Variants in RPS6KC1 observed in about 807,000 individuals in gnomAD.
RPS6KC1 encodes ribosomal protein S6 kinase C1.
Under a neutral mutation model 103.8 loss-of-function variants are expected in RPS6KC1, and 54 were observed. The observed-to-expected ratio is 0.52, with a 90% CI of 0.42 to 0.65. The LOEUF is 0.65. Ranked by LOEUF, RPS6KC1 falls within the 30% of genes least tolerant of loss-of-function variation. RPS6KC1 has a pLI of 0.00. For missense variants in RPS6KC1, 1,151 were observed against 1,253.8 expected (o/e 0.92, Z 1.24); for synonymous variants, 439 against 438.7 (o/e 1.00, Z -0.01).
chr1:213,780,597 C>A, the RPS6KC1 span, among the ~76,000 whole-genome samples: 1 of 152,188 alleles, frequency 6.6e-6, no homozygotes, highest in African/African-American at 2.4e-5. Context: ...GTTTTTGAAT[C>A]CAGTCCTTTC....
At chr1:213,177,106 G>A (rs1486179255) in intron 8 of RPS6KC1, among the ~76,000 whole-genome samples, 1 of 152,050 alleles carries the variant, frequency 6.6e-6, no homozygotes, top group East Asian at 1.9e-4. Flanking sequence ...ACACCCACAT[G>A]CATTTTAATT....
Position 213,070,993 on chromosome 1 carries a change from T to G in RPS6KC1, c.106-13T>G, listed in dbSNP as rs1212542604. 7.4e-6 allele frequency: 11 copies of G among 1,487,978 alleles called. No individual in the cohort carries two copies. The highest frequency in any genetic ancestry group is 1.0e-5 in the Non-Finnish European group (11 of 1,085,458). The allele number at this position is 1,487,978 out of a possible 1,614,324, so 92.2% of individuals were successfully genotyped here. A position where few individuals can be genotyped will look rare whatever the true frequency, so the allele number is the denominator to read the frequency against. ...GATAATGATTAGAGATTTCTATGTA[T>G]GTTTTGTTTTAGGTTGTTTCACGAA... On this transcript the variant is annotated splice_polypyrimidine_tract_variant and intron_variant, in intron 1 of 14. Transcript: ENST00000366960.
chr1:213,377,843 C>T, the RPS6KC1 span, among the ~76,000 whole-genome samples: 1 of 152,178 alleles, frequency 6.6e-6, no homozygotes, highest in Admixed American at 6.5e-5. Context: ...GGAAGCCCTA[C>T]CTCTGAGCTT....
the RPS6KC1 span, among the ~76,000 whole-genome samples, chr1:213,844,432 T>G: frequency 6.6e-6 from 1 of 152,262 alleles, no homozygotes; most frequent in African/African-American, 2.4e-5. Flanking sequence ...ACTAGATTCA[T>G]TCTCACATAT....
chr1:213,345,720 A>C, the RPS6KC1 span, among the ~76,000 whole-genome samples: 7 of 152,266 alleles, frequency 4.6e-5, no homozygotes, highest in East Asian at 1.4e-3. Flanking sequence ...TTTATTCTTC[A>C]AGCCATCTGA....
chr1:213,082,369 T>G (rs1169240688), intron 3 of RPS6KC1, among the ~76,000 whole-genome samples: 2 of 152,134 alleles, frequency 1.3e-5, no homozygotes, highest in Admixed American at 6.6e-5. Flanking sequence ...AGGCAGAGTT[T>G]GCAGTGAGCT....
chr1:213,562,354 G>T, the RPS6KC1 span, among the ~76,000 whole-genome samples: 9 of 87,678 alleles, frequency 1.0e-4, no homozygotes, highest in African/African-American at 4.6e-4. Flanking sequence ...TTCCTGAAAA[G>T]TTCTGTTTTT....
In RPS6KC1 at chr1:213,241,935, G is replaced by A. The variant is rs748570547; in HGVS notation, c.2459G>A (p.Arg820His). ...AACAACACAGAAGAAAGCTTATTCC[G>A]TATTTGTAGTCCACTCTCAGGTGCT... ...TANNTEESLF[R>H]ICSPLSGANE... The change falls in exon 11 of 15, where the codon CGT (arginine) becomes CAT (histidine). Residue 820 changes from arginine to histidine, a missense_variant. This residue lies in a region of RPS6KC1 where 959 missense variants were observed against 1,006.3 expected (regional missense o/e 0.95). Transcript: ENST00000366960. 40 of 1,614,028 alleles carry A rather than the reference G, an allele frequency of 2.5e-5. No homozygotes were observed. In the Middle Eastern group the frequency reaches 1.3e-3, roughly 53 times the overall value.
chr1:213,233,095 A>C (rs2094142358), intron 10 of RPS6KC1, among the ~76,000 whole-genome samples: 1 of 152,208 alleles, frequency 6.6e-6, no homozygotes, highest in Admixed American at 6.5e-5. Context: ...TAGGAAAAGA[A>C]GTCATTGCTT....
At chr1:213,823,753 C>CACA in the RPS6KC1 span, among the ~76,000 whole-genome samples, 1 of 100,194 alleles carries the variant, frequency 1.0e-5, no homozygotes, top group Non-Finnish European at 2.4e-5. Flanking sequence ...CACACACACA[C>CACA]CACACCACAT....
At chr1:213,694,932 C>G in the RPS6KC1 span, among the ~76,000 whole-genome samples, 1 of 152,136 alleles carries the variant, frequency 6.6e-6, no homozygotes, top group African/African-American at 2.4e-5. Context: ...GATGGCAGCA[C>G]AGACAGTGGT....
chr1:213,381,908 G>A, the RPS6KC1 span, among the ~76,000 whole-genome samples: 6 of 152,228 alleles, frequency 3.9e-5, no homozygotes, highest in Non-Finnish European at 8.8e-5. Flanking sequence ...ACACCCTCGT[G>A]CAGCTTCTGT....
At chr1:213,804,847 A>C in the RPS6KC1 span, among the ~76,000 whole-genome samples, 1 of 152,238 alleles carries the variant, frequency 6.6e-6, no homozygotes, top group East Asian at 1.9e-4. Context: ...TGAACACTCG[A>C]GTGAACAGAA....
At position 213,100,336 on chromosome 1, in the gene RPS6KC1, C is replaced by T. The variant is rs535412680; in HGVS notation, c.263-4118C>T. Reference sequence around the variant, plus strand: ...TTCTTTGTATATCTTAGACACCAGTCGTTTGATGTTTTGCAAATGTTTTCT... The same window carrying T: ...TTCTTTGTATATCTTAGACACCAGTTGTTTGATGTTTTGCAAATGTTTTCT... On this transcript the variant is annotated intron_variant, in intron 3 of 14. Coordinates refer to ENST00000366960, the MANE Select transcript of RPS6KC1 (RefSeq NM_012424.6). Among the ~76,000 whole-genome samples, 68 of 151,966 alleles carry T rather than the reference C, an allele frequency of 4.5e-4. No individual in the cohort carries two copies. The South Asian group carries it at 9.8e-3, about 22-fold the overall frequency.
the RPS6KC1 span, among the ~76,000 whole-genome samples, chr1:213,767,278 C>T: frequency 6.6e-6 from 1 of 152,200 alleles, no homozygotes; most frequent in Non-Finnish European, 1.5e-5. Flanking sequence ...TCCACTTTTC[C>T]CAGGGCATAT....
At chr1:213,192,618 G>A (rs2092789500) in intron 8 of RPS6KC1, among the ~76,000 whole-genome samples, 3 of 152,042 alleles carry the variant, frequency 2.0e-5, no homozygotes, top group Admixed American at 2.0e-4. Context: ...TATGTCTCTA[G>A]GAGGTTTGTC....
At chr1:213,085,864 G>A (rs916170962) in intron 3 of RPS6KC1, among the ~76,000 whole-genome samples, 7 of 151,916 alleles carry the variant, frequency 4.6e-5, no homozygotes, top group Admixed American at 2.0e-4. Context: ...GCTTTGATCA[G>A]TAGGAGCCCT....
At chr1:213,582,854 A>G in the RPS6KC1 span, among the ~76,000 whole-genome samples, 1 of 152,264 alleles carries the variant, frequency 6.6e-6, no homozygotes, top group African/African-American at 2.4e-5. Flanking sequence ...TAACACCACC[A>G]AGATTAAGCT....
At chr1:213,340,585 CATAATGAAAGCA>C in the RPS6KC1 span, among the ~76,000 whole-genome samples, 1 of 152,184 alleles carries the variant, frequency 6.6e-6, no homozygotes, top group South Asian at 2.1e-4. Context: ...AGACTGCACC[CATAATGAAAGCA>C]ATAACTAATT....
Sources: gnomAD v4.1 joint callset for allele counts (sites outside exome capture counted in the v4.1 genomes callset) on GRCh38, gnomAD v4.1.1 for gene constraint, gnomAD v4.1.1 regional missense constraint, MANE v1.5 for transcripts, NCBI Gene and HGNC (gene_info 2026-07-23, HGNC 2026-07-21) for gene names.